Variants in PREX2 observed in about 807,000 individuals in gnomAD.
PREX2 encodes phosphatidylinositol-3,4,5-trisphosphate dependent Rac exchange factor 2, also known as phosphatidylinositol 3,4,5-trisphosphate-dependent Rac exchanger 2 protein.
Under a neutral mutation model 203.2 loss-of-function variants are expected in PREX2, and 107 were observed. The observed-to-expected ratio is 0.53, with a 90% CI of 0.45 to 0.62. The LOEUF is 0.62. PREX2 is among the 20% of genes least tolerant of loss of function. The pLI, the probability that PREX2 is intolerant of heterozygous loss-of-function variation, is 0.00. For missense variants in PREX2, 1,777 were observed against 1,955.9 expected (o/e 0.91, Z 1.72); for synonymous variants, 672 against 663.6 (o/e 1.01, Z -0.19).
At chr8:68,131,596 T>A (rs1811009794) in intron 31 of PREX2, among the ~76,000 whole-genome samples, 1 of 152,224 alleles carries the variant, frequency 6.6e-6, no homozygotes, top group South Asian at 2.1e-4. Flanking sequence ...CAATCAGTTC[T>A]GATTTGATAA....
At chr8:68,126,154 C>A (rs2129613226) in intron 30 of PREX2, among the ~76,000 whole-genome samples, 1 of 152,156 alleles carries the variant, frequency 6.6e-6, no homozygotes, top group East Asian at 1.9e-4. Context: ...TATTCCTTTG[C>A]TAGCAAAATC....
intron 13 of PREX2, 84 bp from the exon 14 acceptor site, chr8:68,072,411 A>C: frequency 1.4e-6 from 1 of 721,260 alleles, no homozygotes; most frequent in Middle Eastern, 2.5e-4. Flanking sequence ...TATTGATACT[A>C]AATGAAAATA....
chr8:68,149,437 A>G (rs1299655068), intron 34 of PREX2, among the ~76,000 whole-genome samples: 1 of 152,238 alleles, frequency 6.6e-6, no homozygotes, highest in Non-Finnish European at 1.5e-5. Flanking sequence ...GTAAGTGCAA[A>G]GCATAACCAA....
chr8:68,114,359 A>C (rs1194239803), intron 25 of PREX2: 1 of 494,536 alleles, frequency 2.0e-6, no homozygotes, highest in Non-Finnish European at 4.1e-6. Flanking sequence ...TGGAAAAATG[A>C]GAATCAAGAT....
chr8:68,209,131 G>A (rs1812699786), intron 37 of PREX2, among the ~76,000 whole-genome samples: 1 of 148,984 alleles, frequency 6.7e-6, no homozygotes, highest in Admixed American at 6.7e-5. Flanking sequence ...CTTATAAAAA[G>A]AGTGGTGTAC....
chr8:68,114,098 G>A (rs969169608), intron 25 of PREX2, among the ~76,000 whole-genome samples: 28 of 152,246 alleles, frequency 1.8e-4, no homozygotes, highest in African/African-American at 5.5e-4. Context: ...CTGACCTCAC[G>A]TGATCCACCC....
At chr8:68,194,310 C>A (rs1812352388) in intron 37 of PREX2, among the ~76,000 whole-genome samples, 1 of 151,914 alleles carries the variant, frequency 6.6e-6, no homozygotes, top group South Asian at 2.1e-4. Context: ...ATAAAGTAAA[C>A]AAATAAATAT....
intron 33 of PREX2, among the ~76,000 whole-genome samples, chr8:68,141,262 C>T (rs559507406): frequency 1.3e-5 from 2 of 152,238 alleles, no homozygotes; most frequent in Non-Finnish European, 1.5e-5. Flanking sequence ...AGCAGGTCTT[C>T]TCCTTTTCAA....
intron 35 of PREX2, among the ~76,000 whole-genome samples, chr8:68,165,747 G>A (rs540682053): frequency 3.3e-5 from 5 of 152,078 alleles, no homozygotes; most frequent in African/African-American, 1.2e-4. Flanking sequence ...TTCTTATTGT[G>A]CACAAAAATA....
At position 68,192,441 on chromosome 8, in the gene PREX2, G is replaced by C; in HGVS notation, c.4520G>C (p.Gly1507Ala). Residue 1507 changes from glycine (G) to alanine (A), a missense_variant, in exon 37 of 40, where the codon GGG becomes GCG. Coordinates refer to ENST00000288368, the MANE Select transcript of PREX2 (RefSeq NM_024870.4). Reference protein sequence around the residue: ...ACANTACSASGVGLLSVSSEL... With the variant: ...ACANTACSASAVGLLSVSSEL... Reference sequence around the variant, plus strand: ...GCAAACACAGCTTGCAGTGCTTCTGGGGTTGGACTGCTGTCAGTTTCCTCG... The same window carrying C: ...GCAAACACAGCTTGCAGTGCTTCTGCGGTTGGACTGCTGTCAGTTTCCTCG... 1 of 1,613,994 alleles carries C rather than the reference G, an allele frequency of 6.2e-7. No individual in the cohort carries two copies. The highest frequency in any genetic ancestry group is 8.5e-7 in the Non-Finnish European group (1 of 1,179,936).
chr8:68,083,306 TTCAA>T lies in PREX2; in HGVS notation c.1947_1950del (p.Phe649LeufsTer7). ...TGGTGACCTAGTTTTTATGAGACCT[TTCAA>T]TGAAGTGGATTGCTTCCTGAAATCG... On this transcript the variant is annotated frameshift_variant, in exon 18 of 40. Transcript: ENST00000288368. LOFTEE classifies it high-confidence loss of function. The T allele has an allele frequency of 6.2e-7, 1 of 1,610,974 alleles. No homozygotes were observed. The highest frequency in any genetic ancestry group is 2.2e-5 in the East Asian group (1 of 44,830).
chr8:68,112,875 G>C (rs762710853), intron 25 of PREX2, among the ~76,000 whole-genome samples: 3 of 152,096 alleles, frequency 2.0e-5, no homozygotes, highest in Non-Finnish European at 2.9e-5. Flanking sequence ...ACCTGTTAAG[G>C]ACTTAGCATC....
At chr8:67,963,883 A>G (rs1805699603) in intron 1 of PREX2, among the ~76,000 whole-genome samples, 1 of 152,164 alleles carries the variant, frequency 6.6e-6, no homozygotes. Flanking sequence ...TAATTTTTAA[A>G]TTAAATATAC....
At chr8:68,044,935 C>G (rs575678131) in intron 8 of PREX2, among the ~76,000 whole-genome samples, 1 of 151,958 alleles carries the variant, frequency 6.6e-6, no homozygotes, top group Non-Finnish European at 1.5e-5. Flanking sequence ...ATAAGCATAT[C>G]AGTGATGTTT....
chr8:68,085,881 C>T (rs1045062290), intron 18 of PREX2, among the ~76,000 whole-genome samples: 2 of 152,120 alleles, frequency 1.3e-5, no homozygotes, highest in Non-Finnish European at 2.9e-5. Flanking sequence ...ACTCAAAATC[C>T]AAAAGCAACA....
At chr8:68,038,050 A>T in intron 6 of PREX2, 109 bp from the exon 7 acceptor site, 3 of 1,211,522 alleles carry the variant, frequency 2.5e-6, no homozygotes, top group Non-Finnish European at 3.5e-6. Flanking sequence ...TAGCCTGTGC[A>T]TAGCTTGCTT....
chr8:68,194,099 CA>C (rs1266502970), intron 37 of PREX2, among the ~76,000 whole-genome samples: 1 of 152,082 alleles, frequency 6.6e-6, no homozygotes, highest in Non-Finnish European at 1.5e-5. Flanking sequence ...TTTTTGCTAG[CA>C]AAGAAATAAT....
rs1813275606 is a variant in PREX2, at chr8:68,236,855, T to C, written c.*5477T>C. The C allele has an allele frequency of 1.3e-5, 2 of 152,146 alleles. No homozygotes were observed. The highest frequency in any genetic ancestry group is 1.3e-4 in the Admixed American group (2 of 15,266). The allele number at this position is 152,146 out of a possible 1,614,324, so 9.4% of individuals were successfully genotyped here. Reference sequence around the variant, plus strand: ...GTGTTATTATAAAAGTCATCTTTTTTTCCTTTGTAAAATATCCATGTAACA... The same window carrying C: ...GTGTTATTATAAAAGTCATCTTTTTCTCCTTTGTAAAATATCCATGTAACA... On this transcript the variant is annotated 3_prime_UTR_variant, in exon 40 of 40. Transcript: ENST00000288368.
chr8:68,231,400 G>A lies in PREX2; in HGVS notation c.*22G>A. ...ATGAAAAGAACTCCCAAGAAACCAGGCAGGCAGAAGCTCCTGAATGCTGGA... is the reference window on the plus strand; with the variant it reads ...ATGAAAAGAACTCCCAAGAAACCAGACAGGCAGAAGCTCCTGAATGCTGGA... On this transcript the variant is annotated 3_prime_UTR_variant, in exon 40 of 40. Transcript: ENST00000288368. 6.3e-7 allele frequency: 1 copy of A among 1,596,648 alleles called. No homozygotes were observed. The highest frequency in any genetic ancestry group is 8.5e-7 in the Non-Finnish European group (1 of 1,172,092).
Sources: gnomAD v4.1 joint callset for allele counts (sites outside exome capture counted in the v4.1 genomes callset) on GRCh38, gnomAD v4.1.1 for gene constraint, MANE v1.5 for transcripts, NCBI Gene and HGNC (gene_info 2026-07-23, HGNC 2026-07-21) for gene names.